Variants in PTCHD4 observed in about 807,000 individuals in gnomAD.
PTCHD4 encodes the protein patched domain-containing protein 4.
A neutral mutation model predicts 58.1 loss-of-function variants in PTCHD4; 33 were observed. That is an observed-to-expected ratio of 0.57 (90% CI 0.43 to 0.76). The LOEUF is 0.76. Ranked by LOEUF, PTCHD4 falls within the 30% of genes least tolerant of loss-of-function variation. The probability of loss-of-function intolerance (pLI) is 0.00; values close to 1 mark genes in which losing one functional copy is unlikely to be tolerated. For missense variants in PTCHD4, 1,058 were observed against 1,027.1 expected (o/e 1.03, Z -0.41); for synonymous variants, 478 against 409.6 (o/e 1.17, Z -2.02).
rs374401853 is a variant in PTCHD4 at position 48,019,204 on chromosome 6, C to T, written c.418-10090G>A. 3.6e-4 allele frequency among the ~76,000 whole-genome samples: 55 copies of T among 152,282 alleles called. 1 individual carries two copies. The East Asian group carries it at 4.1e-3, about 11-fold the overall frequency. On this transcript the variant is annotated intron_variant, in intron 3 of 4. Coordinates refer to ENST00000339488, the MANE Select transcript of PTCHD4 (RefSeq NM_001384253.1). ...GTACCCAAGGATGTGACACACAGCACAGGTGGAAAGAGGCAAGGAAAGAGG... is the reference window on the plus strand; with the variant it reads ...GTACCCAAGGATGTGACACACAGCATAGGTGGAAAGAGGCAAGGAAAGAGG...
intron 3 of PTCHD4, among the ~76,000 whole-genome samples, chr6:48,026,592 T>C (rs918238782): frequency 7.2e-5 from 11 of 152,098 alleles, no homozygotes; most frequent in Non-Finnish European, 1.5e-4. Context: ...CCCTTCACAC[T>C]TTGGTTCCTT....
chr6:48,061,112 C>T (rs769199738), intron 3 of PTCHD4, among the ~76,000 whole-genome samples: 18 of 152,204 alleles, frequency 1.2e-4, no homozygotes, highest in Non-Finnish European at 2.4e-4. Context: ...CCATATCTTG[C>T]GTTCTCATAT....
rs559514952 is a variant in PTCHD4 at position 48,103,135 on chromosome 6, G to A, written c.-970+7914C>T. Among the ~76,000 whole-genome samples, 20 of 152,332 alleles carry A rather than the reference G, an allele frequency of 1.3e-4. No individual in the cohort carries two copies. The East Asian group carries it at 3.5e-3, about 26-fold the overall frequency. On this transcript the variant is annotated intron_variant, in intron 1 of 4. Coordinates refer to ENST00000339488, the MANE Select transcript of PTCHD4 (RefSeq NM_001384253.1). Reference sequence around the variant, plus strand: ...TCTCCCAGCATGCAGCTTGAGATCTGAGAATGAGCAGAGTGCCTCCTCAAG... The same window carrying A: ...TCTCCCAGCATGCAGCTTGAGATCTAAGAATGAGCAGAGTGCCTCCTCAAG...
Position 47,870,736 on chromosome 6 carries a change from G to GT in PTCHD4, c.*7566dup, listed in dbSNP as rs1222130060. On this transcript the variant is annotated 3_prime_UTR_variant, in exon 5 of 5. Coordinates refer to ENST00000339488, the MANE Select transcript of PTCHD4 (RefSeq NM_001384253.1). Reference sequence around the variant, plus strand: ...TGGATGGAAATACAACTTGGGTAATGTTTTTTTGATTTGACATTTTTGTTC... The same window carrying GT: ...TGGATGGAAATACAACTTGGGTAATGTTTTTTTTGATTTGACATTTTTGTTC... 2.0e-5 allele frequency among the ~76,000 whole-genome samples: 3 copies of GT among 151,492 alleles called. No homozygotes were observed. In the East Asian group the frequency reaches 5.8e-4, roughly 29 times the overall value.
intron 4 of PTCHD4, among the ~76,000 whole-genome samples, chr6:47,954,863 G>A (rs905311415): frequency 6.6e-6 from 1 of 152,148 alleles, no homozygotes. Context: ...GACAGTATGT[G>A]ATTTTGAGAC....
intron 4 of PTCHD4, among the ~76,000 whole-genome samples, chr6:47,919,695 GC>G (rs1175743336): frequency 6.6e-6 from 1 of 152,010 alleles, no homozygotes; most frequent in Non-Finnish European, 1.5e-5. Context: ...ATCCCAGAGG[GC>G]AACCATTAAA....
At chr6:48,099,213 C>G (rs1351447081) in intron 1 of PTCHD4, among the ~76,000 whole-genome samples, 1 of 152,142 alleles carries the variant, frequency 6.6e-6, no homozygotes, top group Non-Finnish European at 1.5e-5. Flanking sequence ...AAATAGTGGT[C>G]GCCAGCCTGC....
In PTCHD4 at chr6:48,033,579, A is replaced by G. The variant is rs538705572; in HGVS notation, c.418-24465T>C. On this transcript the variant is annotated intron_variant, in intron 3 of 4. Coordinates refer to ENST00000339488, the MANE Select transcript of PTCHD4 (RefSeq NM_001384253.1). Reference sequence around the variant, plus strand: ...CCAGGCCATATGTATGGCCTTTTTCACAGTGAATCTAGGCATTAAGAAATA... The same window carrying G: ...CCAGGCCATATGTATGGCCTTTTTCGCAGTGAATCTAGGCATTAAGAAATA... Among the ~76,000 whole-genome samples, 10 of 151,970 alleles carry G rather than the reference A, an allele frequency of 6.6e-5. No individual in the cohort carries two copies. The South Asian group carries it at 2.1e-3, about 32-fold the overall frequency.
Position 47,859,242 on chromosome 6 carries a change from C to T in PTCHD4, c.*19061G>A, listed in dbSNP as rs1763364314. 6.6e-6 allele frequency among the ~76,000 whole-genome samples: 1 copy of T among 151,992 alleles called. No individual in the cohort carries two copies. Among genetic ancestry groups the T allele is most frequent in the East Asian group, 1.9e-4 (1 of 5,162 alleles). The stretch of plus-strand genomic sequence containing the variant: ...GGATGTGGCTGCCATGATAATCTTT[C>T]ACTTGTTCAGCAGTATTTCTTTTTC... On this transcript the variant is annotated 3_prime_UTR_variant, in exon 5 of 5. Transcript: ENST00000339488.
At chr6:47,893,481 T>A (rs1452416304) in intron 4 of PTCHD4, among the ~76,000 whole-genome samples, 1 of 152,224 alleles carries the variant, frequency 6.6e-6, no homozygotes, top group East Asian at 1.9e-4. Flanking sequence ...CATCATTTTA[T>A]CATGCATTAA....
At chr6:47,927,323 G>A (rs930788193) in intron 4 of PTCHD4, among the ~76,000 whole-genome samples, 1 of 152,194 alleles carries the variant, frequency 6.6e-6, no homozygotes, top group Non-Finnish European at 1.5e-5. Context: ...GGATGAACAT[G>A]TTGCCTCAGG....
chr6:48,028,286 G>C (rs1039832882), intron 3 of PTCHD4, among the ~76,000 whole-genome samples: 1 of 151,706 alleles, frequency 6.6e-6, no homozygotes, highest in Non-Finnish European at 1.5e-5. Context: ...AAATATATGA[G>C]GTATGAAAGG....
chr6:47,887,032 C>A (rs985390435), intron 4 of PTCHD4, among the ~76,000 whole-genome samples: 1 of 152,058 alleles, frequency 6.6e-6, no homozygotes, highest in Admixed American at 6.6e-5. Flanking sequence ...GCCTTTTTCA[C>A]TTTTGTATAT....
Position 47,923,583 on chromosome 6 carries a change from T to C in PTCHD4, c.899-43647A>G, listed in dbSNP as rs570400711. Among the ~76,000 whole-genome samples, 75 of 152,314 alleles carry C rather than the reference T, an allele frequency of 4.9e-4. 1 individual carries two copies. The South Asian group carries it at 0.014, about 29-fold the overall frequency. ...GTTTTCCACACTTGATATAAGCTTA[T>C]AGTGTGGTTTCTGTGCCCTTCATTT... is the stretch of plus-strand genomic sequence containing the variant. On this transcript the variant is annotated intron_variant, in intron 4 of 4. Transcript: ENST00000339488.
intron 4 of PTCHD4, among the ~76,000 whole-genome samples, chr6:47,929,263 T>C (rs531148744): frequency 4.6e-5 from 7 of 152,184 alleles, no homozygotes; most frequent in Non-Finnish European, 8.8e-5. Flanking sequence ...GAACTAAAGA[T>C]TCAAACTCAG....
At chr6:47,954,759 C>A (rs1766789593) in intron 4 of PTCHD4, among the ~76,000 whole-genome samples, 1 of 152,162 alleles carries the variant, frequency 6.6e-6, no homozygotes, top group Admixed American at 6.5e-5. Context: ...CAGAACCTTG[C>A]TACTCCCCTA....
In PTCHD4 at chr6:47,857,331, C is replaced by A. The variant is rs144550846; in HGVS notation, c.*20972G>T. 5.3e-5 allele frequency among the ~76,000 whole-genome samples: 8 copies of A among 152,088 alleles called. No individual in the cohort carries two copies. The highest frequency in any genetic ancestry group is 1.2e-4 in the Non-Finnish European group (8 of 67,968). On this transcript the variant is annotated 3_prime_UTR_variant, in exon 5 of 5. Transcript: ENST00000339488. ...GCACATTGACGACACAAAGTTTCTG[C>A]GAATACGTAGTTTCATGTAGGGCAT...
chr6:48,080,136 T>G (rs564916323), intron 1 of PTCHD4, among the ~76,000 whole-genome samples: 4 of 152,096 alleles, frequency 2.6e-5, no homozygotes, highest in African/African-American at 9.6e-5. Flanking sequence ...AAAATATAAG[T>G]GAAATGATGT....
chr6:48,046,901 C>A (rs1764053837), intron 3 of PTCHD4, among the ~76,000 whole-genome samples: 2 of 151,736 alleles, frequency 1.3e-5, no homozygotes, highest in Admixed American at 6.6e-5. Flanking sequence ...AGGTTATATT[C>A]CTAACTTCTA....
Sources: allele counts gnomAD v4.1 joint callset (sites outside exome capture counted in the v4.1 genomes callset), GRCh38; gene constraint gnomAD v4.1.1; transcripts MANE v1.5; gene names NCBI Gene and HGNC (gene_info 2026-07-23, HGNC 2026-07-21).